Variants in DPP10 observed in about 807,000 individuals in gnomAD.
DPP10 encodes inactive dipeptidyl peptidase 10.
In DPP10, 33 loss-of-function variants were observed where a neutral mutation model predicts 120.9. The ratio of observed to expected loss-of-function variants is 0.27; its 90% confidence interval spans 0.21 to 0.37. The LOEUF is 0.37. DPP10 is among the 10% of genes least tolerant of loss of function. The probability of loss-of-function intolerance (pLI) is 1.00; values close to 1 mark genes in which losing one functional copy is unlikely to be tolerated. For missense variants in DPP10, 816 were observed against 942.8 expected (o/e 0.87, Z 1.76); for synonymous variants, 337 against 326.1 (o/e 1.03, Z -0.36).
chr2:115,501,038 G>T (rs1048832380), intron 4 of DPP10, among the ~76,000 whole-genome samples: 2 of 151,884 alleles, frequency 1.3e-5, no homozygotes, highest in African/African-American at 2.4e-5. Flanking sequence ...CAGAATGAAT[G>T]GATTTTTAAT....
intron 5 of DPP10, among the ~76,000 whole-genome samples, chr2:115,541,665 C>G (rs1022085851): frequency 1.3e-5 from 2 of 151,786 alleles, no homozygotes; most frequent in Non-Finnish European, 2.9e-5. Flanking sequence ...TTAACATGAT[C>G]TTTTTATGTT....
intron 12 of DPP10, among the ~76,000 whole-genome samples, chr2:115,766,247 A>G (rs1680694664): frequency 6.8e-6 from 1 of 147,284 alleles, no homozygotes; most frequent in Non-Finnish European, 1.5e-5. Context: ...TGAATAGATG[A>G]ATGTATGGAT....
chr2:115,536,036 A>G (rs1240197992), intron 5 of DPP10, among the ~76,000 whole-genome samples: 2 of 152,074 alleles, frequency 1.3e-5, no homozygotes, highest in African/African-American at 4.8e-5. Flanking sequence ...GGTTTTCTAG[A>G]TATACAACAA....
intron 3 of DPP10, among the ~76,000 whole-genome samples, chr2:115,386,816 A>G (rs1256794967): frequency 6.6e-6 from 1 of 152,066 alleles, no homozygotes; most frequent in African/African-American, 2.4e-5. Context: ...CGGGGGTGAC[A>G]TATATTGTTA....
intron 1 of DPP10, among the ~76,000 whole-genome samples, chr2:114,999,203 T>A (rs1005615037): frequency 6.6e-6 from 1 of 152,148 alleles, no homozygotes; most frequent in Non-Finnish European, 1.5e-5. Flanking sequence ...ATTAGTTGAC[T>A]GAATGAGTGA....
At chr2:114,860,097 T>G (rs1381148670) in intron 1 of DPP10, among the ~76,000 whole-genome samples, 2 of 152,228 alleles carry the variant, frequency 1.3e-5, no homozygotes, top group African/African-American at 4.8e-5. Context: ...TTGATTTGAT[T>G]GCTGAGAAAC....
At chr2:115,704,284 C>G (rs1215142266) in intron 7 of DPP10, among the ~76,000 whole-genome samples, 1 of 151,638 alleles carries the variant, frequency 6.6e-6, no homozygotes, top group East Asian at 1.9e-4. Flanking sequence ...TAAATACTTT[C>G]TCTCTTCTTC....
chr2:115,144,827 A>G (rs1044288195), intron 1 of DPP10: 1 of 151,984 alleles, frequency 6.6e-6, no homozygotes, highest in Non-Finnish European at 1.5e-5. Flanking sequence ...ATAAAAAAAT[A>G]AAATAAAATA....
intron 1 of DPP10, among the ~76,000 whole-genome samples, chr2:114,499,247 C>A (rs187358940): frequency 6.6e-6 from 1 of 152,312 alleles, no homozygotes; most frequent in East Asian, 1.9e-4. Context: ...CACCAGGGCA[C>A]ATGCTCACTC....
chr2:115,564,999 T>G (rs867850712), intron 5 of DPP10, among the ~76,000 whole-genome samples: 67 of 152,194 alleles, frequency 4.4e-4, no homozygotes, highest in African/African-American at 1.4e-3. Flanking sequence ...TACTGGAGTT[T>G]CTATATTCTG....
intron 1 of DPP10, among the ~76,000 whole-genome samples, chr2:115,107,804 TAGTC>T (rs1281127309): frequency 6.6e-6 from 1 of 152,180 alleles, no homozygotes; most frequent in Non-Finnish European, 1.5e-5. Context: ...AGAACATTTT[TAGTC>T]AGTCTTTTTA....
At chr2:115,589,404 C>G (rs1575262334) in intron 5 of DPP10, among the ~76,000 whole-genome samples, 1 of 152,146 alleles carries the variant, frequency 6.6e-6, no homozygotes, top group East Asian at 1.9e-4. Flanking sequence ...CAATCACAGT[C>G]TAAATGCTGA....
rs566752185 is a variant in DPP10 at position 114,784,469 on chromosome 2, G to A, written c.60+341631G>A. 1.7e-4 allele frequency among the ~76,000 whole-genome samples: 26 copies of A among 152,234 alleles called. No individual in the cohort carries two copies. In the South Asian group the frequency reaches 5.4e-3, roughly 32 times the overall value. On this transcript the variant is annotated intron_variant, in intron 1 of 25. Transcript: ENST00000410059. Reference sequence around the variant, plus strand: ...CAAGGTATGCATGCCCCTGTCTGATGTGAAGATGTCACTGGCGACTGCCTA... The same window carrying A: ...CAAGGTATGCATGCCCCTGTCTGATATGAAGATGTCACTGGCGACTGCCTA...
At chr2:114,676,880 A>G (rs10196803) in intron 1 of DPP10, among the ~76,000 whole-genome samples, 9,324 of 152,168 alleles carry the variant, frequency 0.061, 305 homozygotes, top group Middle Eastern at 0.1. Flanking sequence ...CAATTGAAAA[A>G]TATATTTAAC....
At chr2:115,364,772 C>T (rs1292420032) in intron 3 of DPP10, among the ~76,000 whole-genome samples, 5 of 151,862 alleles carry the variant, frequency 3.3e-5, no homozygotes, top group Admixed American at 6.6e-5. Flanking sequence ...GTATCTAGCA[C>T]GTAGTTACGC....
chr2:114,508,718 C>A (rs1192795814), intron 1 of DPP10, among the ~76,000 whole-genome samples: 3 of 151,980 alleles, frequency 2.0e-5, no homozygotes, highest in Non-Finnish European at 4.4e-5. Context: ...TTTCATTTAT[C>A]TAGCCTGTTT....
intron 1 of DPP10, among the ~76,000 whole-genome samples, chr2:114,843,704 C>A (rs185443826): frequency 6.6e-6 from 1 of 152,192 alleles, no homozygotes; most frequent in Admixed American, 6.5e-5. Context: ...ACTAATATAA[C>A]CTTCTTTCCC....
rs555803917 is a variant in DPP10 at position 114,884,536 on chromosome 2, C to T, written c.61-424703C>T. 1.9e-4 allele frequency among the ~76,000 whole-genome samples: 29 copies of T among 152,280 alleles called. 1 individual carries two copies. The South Asian group carries it at 5.2e-3, about 27-fold the overall frequency. On this transcript the variant is annotated intron_variant, in intron 1 of 25. Coordinates refer to ENST00000410059, the MANE Select transcript of DPP10 (RefSeq NM_020868.6). Reference sequence around the variant, plus strand: ...CATCACACCAATCTGACTCTTACTCCTCTGTCTCCCCCTTCCACGTTTATG... The same window carrying T: ...CATCACACCAATCTGACTCTTACTCTTCTGTCTCCCCCTTCCACGTTTATG...
At chr2:114,529,320 T>A (rs1177706605) in intron 1 of DPP10, among the ~76,000 whole-genome samples, 3 of 152,198 alleles carry the variant, frequency 2.0e-5, no homozygotes, top group Non-Finnish European at 2.9e-5. Flanking sequence ...CATACTCATG[T>A]TGCCCACTTC....
Sources: allele counts gnomAD v4.1 joint callset (sites outside exome capture counted in the v4.1 genomes callset), GRCh38; gene constraint gnomAD v4.1.1; transcripts MANE v1.5; gene names NCBI Gene and HGNC (gene_info 2026-07-23, HGNC 2026-07-21).